ATP2B2: variants seen among roughly 807,000 people sequenced by gnomAD.
The protein encoded by ATP2B2 is ATPase plasma membrane Ca2+ transporting 2.
ATP2B2 carries 15 observed loss-of-function variants against 120.0 expected under a neutral mutation model. The observed-to-expected ratio is 0.12, with a 90% CI of 0.08 to 0.19. The LOEUF (loss-of-function observed/expected upper bound fraction) is 0.19. Among genes scored for constraint, ATP2B2 ranks in the 10% least tolerant of loss-of-function variants. ATP2B2 has a pLI of 1.00. For missense variants in ATP2B2, 1,045 were observed against 1,719.8 expected (o/e 0.61, Z 6.94); for synonymous variants, 694 against 700.3 (o/e 0.99, Z 0.14).
chr3:10,663,652 T>C (rs571347560), intron 1 of ATP2B2, among the ~76,000 whole-genome samples: 2 of 151,318 alleles, frequency 1.3e-5, no homozygotes, highest in African/African-American at 4.9e-5. Flanking sequence ...TAGAGAAGAG[T>C]TTCTGGCAGC....
chr3:10,683,760 G>GTGTGTGTGTATATATA (rs1446781892), intron 1 of ATP2B2, among the ~76,000 whole-genome samples: 5 of 53,910 alleles, frequency 9.3e-5, no homozygotes, highest in East Asian at 9.6e-4. Context: ...GTGTGTGTGT[G>GTGTGTGTGTATATATA]TATATATATA....
chr3:10,690,334 T>A (rs1045736437), intron 1 of ATP2B2, among the ~76,000 whole-genome samples: 1 of 152,124 alleles, frequency 6.6e-6, no homozygotes, highest in African/African-American at 2.4e-5. Flanking sequence ...TGGCACCTCC[T>A]GAGAATTTGC....
At chr3:10,369,590 G>A (rs2125495949) in intron 12 of ATP2B2, among the ~76,000 whole-genome samples, 1 of 152,252 alleles carries the variant, frequency 6.6e-6, no homozygotes, top group East Asian at 1.9e-4. Flanking sequence ...TGCTACAAAT[G>A]GAATCCTCTT....
intron 2 of ATP2B2, among the ~76,000 whole-genome samples, chr3:10,545,860 A>C (rs2067534271): frequency 6.6e-6 from 1 of 152,162 alleles, no homozygotes; most frequent in African/African-American, 2.4e-5. Flanking sequence ...TTTTCAAGTA[A>C]TTTTTATGAC....
At chr3:10,682,219 C>T (rs2071400614) in intron 1 of ATP2B2, among the ~76,000 whole-genome samples, 1 of 152,206 alleles carries the variant, frequency 6.6e-6, no homozygotes, top group East Asian at 1.9e-4. Context: ...CCATCTGCCT[C>T]CACCACAAAG....
intron 8 of ATP2B2, among the ~76,000 whole-genome samples, chr3:10,384,370 T>C (rs1185064160): frequency 6.6e-6 from 1 of 152,216 alleles, no homozygotes; most frequent in Non-Finnish European, 1.5e-5. Flanking sequence ...GTTTTCATGA[T>C]GGAGCCCTAA....
chr3:10,378,220 C>T (rs1195874257), intron 10 of ATP2B2, 32 bp downstream of exon 10: 1 of 1,599,338 alleles, frequency 6.3e-7, no homozygotes, highest in Admixed American at 1.7e-5. Flanking sequence ...CCCTGTGAGC[C>T]CTGTCCCCTG....
intron 1 of ATP2B2, among the ~76,000 whole-genome samples, chr3:10,479,292 A>C (rs113710384): frequency 4.6e-5 from 7 of 151,724 alleles, no homozygotes; most frequent in African/African-American, 1.7e-4. Flanking sequence ...TTGCTCCTTC[A>C]GCCCCCAAGA....
At chr3:10,690,690 G>A (rs1175433960) in intron 1 of ATP2B2, among the ~76,000 whole-genome samples, 1 of 152,104 alleles carries the variant, frequency 6.6e-6, no homozygotes, top group Non-Finnish European at 1.5e-5. Context: ...GGGTTTGTCC[G>A]AGTGCACCAG....
At chr3:10,592,042 G>A (rs1483103572) in intron 2 of ATP2B2, among the ~76,000 whole-genome samples, 1 of 152,172 alleles carries the variant, frequency 6.6e-6, no homozygotes, top group Admixed American at 6.5e-5. Context: ...GGAGATCTGA[G>A]GCCTGCACTG....
At chr3:10,490,639 T>C (rs2065899661) in intron 1 of ATP2B2, among the ~76,000 whole-genome samples, 1 of 151,692 alleles carries the variant, frequency 6.6e-6, no homozygotes, top group Admixed American at 6.5e-5. Context: ...CCTCAAGTGA[T>C]CTGCCCACCT....
Position 10,350,217 on chromosome 3 carries a change from A to ATGG in ATP2B2, c.2317-19_2317-18insCCA. 2.5e-6 allele frequency: 1 copy of ATGG among 395,530 alleles called. No homozygotes were observed. Among genetic ancestry groups the ATGG allele is most frequent in the Non-Finnish European group, 4.4e-6 (1 of 225,942 alleles). 24.5% of individuals were successfully genotyped at this position (395,530 alleles called of 1,614,324 possible). ...TGCTCAATCTGGAGAGGGATGGGGAAGGGGGCGGGTCGGTGGGGTCGGGGA... is the reference window on the plus strand; with the variant it reads ...TGCTCAATCTGGAGAGGGATGGGGAATGGGGGGGCGGGTCGGTGGGGTCGGGGA... On this transcript the variant is annotated intron_variant, in intron 15 of 22. Coordinates refer to ENST00000360273, the MANE Select transcript of ATP2B2 (RefSeq NM_001001331.4).
In ATP2B2 at chr3:10,531,986, C is replaced by A. The variant is rs936387347; in HGVS notation, c.-320+2053G>T. Among the ~76,000 whole-genome samples the A allele has an allele frequency of 5.9e-5, 9 of 151,710 alleles. No homozygotes were observed. In the East Asian group the frequency reaches 1.6e-3, roughly 26 times the overall value. ...TCATGTCCTCCTTGGATTCTCCCCG[C>A]CCCACCACCCTGGCACCCCCAACCT... On this transcript the variant is annotated intron_variant, in intron 3 of 21. Coordinates refer to the ATP2B2 transcript ENST00000646379.
chr3:10,693,852 A>G (rs2071704623), intron 1 of ATP2B2, among the ~76,000 whole-genome samples: 1 of 152,224 alleles, frequency 6.6e-6, no homozygotes, highest in Non-Finnish European at 1.5e-5. Flanking sequence ...GGTCATTCCA[A>G]TGCCTTGATA....
chr3:10,386,349 T>TG (rs955051982), intron 7 of ATP2B2, 131 bp downstream of exon 7: 1 of 983,342 alleles, frequency 1.0e-6, no homozygotes, highest in Non-Finnish European at 1.6e-6. Context: ...AAGGAGGGTC[T>TG]GGGGGGTGGA....
At chr3:10,370,296 C>T (rs1281664296) in intron 12 of ATP2B2, among the ~76,000 whole-genome samples, 1 of 152,238 alleles carries the variant, frequency 6.6e-6, no homozygotes, top group Non-Finnish European at 1.5e-5. Flanking sequence ...ATGGCTGAAG[C>T]CCGTTCTGGG....
intron 22 of ATP2B2, among the ~76,000 whole-genome samples, chr3:10,337,687 T>C (rs1014425436): frequency 5.3e-5 from 8 of 152,016 alleles, no homozygotes; most frequent in Non-Finnish European, 1.2e-4. Flanking sequence ...CCCCAGAGCC[T>C]CTCCACCCCC....
chr3:10,620,915 G>T (rs1374444643), intron 1 of ATP2B2, among the ~76,000 whole-genome samples: 1 of 152,122 alleles, frequency 6.6e-6, no homozygotes, highest in Non-Finnish European at 1.5e-5. Flanking sequence ...CGGCACAGTA[G>T]CCCTGCCTCC....
At position 10,678,435 on chromosome 3, in the gene ATP2B2, C is replaced by G. The variant is rs2071298461; in HGVS notation, c.-460+29480G>C. On this transcript the variant is annotated intron_variant, in intron 1 of 21. Coordinates refer to the ATP2B2 transcript ENST00000646379. ...GGAAAGGAAAAGACAGGCAAGCTGC[C>G]CACAGCAAGCAAGCATCTGCTGAGC... Among the ~76,000 whole-genome samples, 4 of 152,282 alleles carry G rather than the reference C, an allele frequency of 2.6e-5. No homozygotes were observed. In the South Asian group the frequency reaches 8.3e-4, roughly 32 times the overall value.
Sources: gnomAD v4.1 joint callset for allele counts (sites outside exome capture counted in the v4.1 genomes callset) on GRCh38, gnomAD v4.1.1 for gene constraint, MANE v1.5 for transcripts, NCBI Gene and HGNC (gene_info 2026-07-23, HGNC 2026-07-21) for gene names.